Variants in MKI67 observed in about 807,000 individuals in gnomAD.
MKI67 encodes the protein marker of proliferation Ki-67.
Under a neutral mutation model 233.5 loss-of-function variants are expected in MKI67, and 152 were observed. That is an observed-to-expected ratio of 0.65 (90% confidence interval 0.57 to 0.74). The LOEUF (loss-of-function observed/expected upper bound fraction) is 0.74. MKI67 is among the 30% of genes least tolerant of loss of function. MKI67 has a pLI of 0.00. For missense variants in MKI67, 3,940 were observed against 3,885.2 expected (o/e 1.01, Z -0.37); for synonymous variants, 1,465 against 1,418.5 (o/e 1.03, Z -0.74).
chr10:128,101,804 T>A, intron 13 of MKI67, 103 bp from the exon 14 acceptor site: 1 of 893,118 alleles, frequency 1.1e-6, no homozygotes, highest in Non-Finnish European at 1.7e-6. Flanking sequence ...GGAGAAATCA[T>A]TTGAAAATCA....
Position 128,112,144 on chromosome 10 carries a change from G to T in MKI67, c.1958C>A (p.Ala653Glu), listed in dbSNP as rs200914916. 1 of 1,613,562 alleles carries T rather than the reference G, an allele frequency of 6.2e-7. No individual in the cohort carries two copies. The highest frequency in any genetic ancestry group is 1.1e-5 in the South Asian group (1 of 91,076). The change falls in exon 9 of 15, where the codon GCA becomes GAA. Residue 653 changes from alanine (A) to glutamate (E), a missense_variant. By Grantham distance (107) the Ala-to-Glu change is moderately radical. Coordinates refer to ENST00000368654, the MANE Select transcript of MKI67 (RefSeq NM_002417.5). ...CSKRRSGASE[A>E]NLIVAKSWAD... The stretch of plus-strand genomic sequence containing the variant: ...AATGTCAGACTAACCAATCAGATTT[G>T]CTTCCGAAGCACCACTTCTTCTTTT...
Position 128,107,005 on chromosome 10 carries a change from T to G in MKI67, c.4835A>C (p.Lys1612Thr). ...EESMTNDKTA[K>T]VACKSSQPDP... ...TGGTTGTGAAGATTTGCAGGCTACT[T>G]TGGCAGTTTTATCGTTAGTCATTGA... The change falls in exon 13 of 15, where the codon AAA becomes ACA. Residue 1612 changes from lysine to threonine, a missense_variant. By Grantham distance (78) the Lys-to-Thr change is moderately conservative (BLOSUM62 -1). Transcript: ENST00000368654. 6.2e-7 allele frequency: 1 copy of G among 1,614,010 alleles called. No individual in the cohort carries two copies. The highest frequency in any genetic ancestry group is 2.2e-5 in the East Asian group (1 of 44,852).
At position 128,097,032 on chromosome 10, in the gene MKI67, G is replaced by A. The variant is rs888465190; in HGVS notation, c.*2158C>T. ...GGTGGTTGGAGGTGCCTGCCTAAGG[G>A]AGGCAGGAGATGGTAGGTACAGAGT... On this transcript the variant is annotated 3_prime_UTR_variant, in exon 15 of 15. Transcript: ENST00000368654. 5 of 152,342 alleles carry A rather than the reference G, an allele frequency of 3.3e-5. No homozygotes were observed. The highest frequency in any genetic ancestry group is 9.6e-5 in the African/African-American group (4 of 41,452). The allele number at this position is 152,342 out of a possible 1,614,324, so 9.4% of individuals were successfully genotyped here.
At position 128,109,014 on chromosome 10, in the gene MKI67, A is replaced by G. The variant is rs1852604378; in HGVS notation, c.2826T>C (p.Asp942=). The G allele has an allele frequency of 1.2e-6, 2 of 1,613,908 alleles. No homozygotes were observed. Among genetic ancestry groups the G allele is most frequent in the African/African-American group, 1.3e-5 (1 of 74,940 alleles). The part of the protein sequence containing the change: ...YKENIELKEN[D]EKMKAMKRSR... ...ATCTCTTCATTGCTTTCATCTTTTC[A>G]TCGTTTTCTTTTAATTCAATATTTT... The change falls in exon 13 of 15, where the codon GAT becomes GAC. Residue 942 remains aspartate (D), a synonymous_variant. Coordinates refer to ENST00000368654, the MANE Select transcript of MKI67 (RefSeq NM_002417.5).
chr10:128,106,853 G>A lies in MKI67; in HGVS notation c.4987C>T (p.His1663Tyr). Reference protein sequence around the residue: ...TQTSGETTHTHTEPTGDGKSM... With the variant: ...TQTSGETTHTYTEPTGDGKSM... ...TTACCATCTCCTGTTGGCTCTGTGTGTGTGTGTGTAGTCTCTCCTGATGTC... is the reference window on the plus strand; with the variant it reads ...TTACCATCTCCTGTTGGCTCTGTGTATGTGTGTGTAGTCTCTCCTGATGTC... Residue 1663 changes from histidine (H) to tyrosine (Y), a missense_variant, in exon 13 of 15, where the codon CAC becomes TAC. Transcript: ENST00000368654. 6.2e-7 allele frequency: 1 copy of A among 1,614,142 alleles called. No individual in the cohort carries two copies. Among genetic ancestry groups the A allele is most frequent in the South Asian group, 1.1e-5 (1 of 91,082 alleles).
chr10:128,115,406 G>A lies in MKI67; in HGVS notation c.1002C>T (p.Gly334=), dbSNP rs749616855. The A allele has an allele frequency of 9.9e-6, 16 of 1,613,932 alleles. No homozygotes were observed. Among genetic ancestry groups the A allele is most frequent in the Admixed American group, 5.0e-5 (3 of 59,988 alleles). Residue 334 remains glycine (G), a synonymous_variant, in exon 7 of 15, where the codon GGC becomes GGT. Coordinates refer to ENST00000368654, the MANE Select transcript of MKI67 (RefSeq NM_002417.5). ...CCGGCTCATAGAGAGGAAAGCTGGC[G>A]CCCACAGCCTTGCTGGGAGTCTGAA... ...ESVQTPSKAV[G]ASFPLYEPAK... is the part of the protein sequence containing the mutation.
In MKI67 at chr10:128,106,483, T is replaced by C. The variant is rs1308937385; in HGVS notation, c.5357A>G (p.Lys1786Arg). 6.2e-7 allele frequency: 1 copy of C among 1,613,876 alleles called. No homozygotes were observed. Among genetic ancestry groups the C allele is most frequent in the Non-Finnish European group, 8.5e-7 (1 of 1,179,992 alleles). ...PSAGKAMHTP[K>R]PAVGEEKDIN... ...GTCTTTCTCTTCACCTACTGCTGGT[T>C]TGGGTGTGTGCATGGCTTTGCCTGC... The change falls in exon 13 of 15, where the codon AAA (lysine) becomes AGA (arginine). Residue 1786 changes from lysine to arginine, a missense_variant. By Grantham distance (26) the Lys-to-Arg change is conservative. Coordinates refer to ENST00000368654, the MANE Select transcript of MKI67 (RefSeq NM_002417.5).
At chr10:128,120,844 C>G (rs2136150220) in intron 4 of MKI67, among the ~76,000 whole-genome samples, 1 of 152,118 alleles carries the variant, frequency 6.6e-6, no homozygotes. Flanking sequence ...TAACATGAGA[C>G]AAAATCATCT....
Position 128,108,717 on chromosome 10 carries a change from G to T in MKI67, c.3123C>A (p.Val1041=), listed in dbSNP as rs370190441. The T allele has an allele frequency of 6.2e-7, 1 of 1,614,188 alleles. No homozygotes were observed. The highest frequency in any genetic ancestry group is 8.5e-7 in the Non-Finnish European group (1 of 1,180,034). The part of the protein sequence containing the change: ...KVGVKEELLA[V]GKFTRTSGET... The stretch of plus-strand genomic sequence containing the variant: ...CCCCTGACGTCCGTGTGAACTTGCC[G>T]ACTGCTAGGAGCTCTTCTTTCACAC... The change falls in exon 13 of 15, where the codon GTC becomes GTA. Residue 1041 remains valine (V), a synonymous_variant. Coordinates refer to ENST00000368654, the MANE Select transcript of MKI67 (RefSeq NM_002417.5).
Position 128,113,466 on chromosome 10 carries a change from CAG to C in MKI67, c.1615_1616del (p.Leu539GlyfsTer45). On this transcript the variant is annotated frameshift_variant, in exon 8 of 15. Transcript: ENST00000368654. LOFTEE classifies it high-confidence loss of function. ...RGEAPTKRKS[L>X]VMHTPPVLKK... ...TCAGGACAGGTGGAGTGTGCATTAC[CAG>C]AGACTTTCTTTTGGTTGGGGCTTCT... The C allele has an allele frequency of 3.7e-6, 6 of 1,614,168 alleles. No individual in the cohort carries two copies. The highest frequency in any genetic ancestry group is 4.2e-6 in the Non-Finnish European group (5 of 1,180,036).
intron 8 of MKI67, among the ~76,000 whole-genome samples, chr10:128,113,150 A>G (rs1852718515): frequency 6.6e-6 from 1 of 152,186 alleles, no homozygotes; most frequent in South Asian, 2.1e-4. Context: ...GTGATTACGC[A>G]GTGCTGTAAG....
Position 128,126,383 on chromosome 10 carries a change from C to T in MKI67, c.-374G>A, listed in dbSNP as rs1224220642. 7.2e-5 allele frequency: 2 copies of T among 27,964 alleles called. No homozygotes were observed. The highest frequency in any genetic ancestry group is 1.7e-4 in the Non-Finnish European group (2 of 11,622). 1.7% of individuals were successfully genotyped at this position (27,964 alleles called of 1,614,324 possible). A position where few individuals can be genotyped will look rare whatever the true frequency, so the allele number is the denominator to read the frequency against. On this transcript the variant is annotated 5_prime_UTR_variant, in exon 1 of 15. Coordinates refer to ENST00000368654, the MANE Select transcript of MKI67 (RefSeq NM_002417.5). ...GCTCCCACCGAGTCGAGTCCTCCCG[C>T]CCGCCCGCCCGCCCGCAGCGTCAGC...
At chr10:128,109,784 C>T (rs532753816) in intron 12 of MKI67, among the ~76,000 whole-genome samples, 3 of 152,240 alleles carry the variant, frequency 2.0e-5, no homozygotes, top group African/African-American at 7.2e-5. Flanking sequence ...TGCCTTAAAT[C>T]GCCAATAAAA....
At position 128,123,095 on chromosome 10, in the gene MKI67, T is replaced by A. The variant is rs915294450; in HGVS notation, c.167A>T (p.Gln56Leu). The change falls in exon 3 of 15, where the codon CAG becomes CTG. Residue 56 changes from glutamine to leucine, a missense_variant. Gln to Leu is a moderately radical substitution (Grantham distance 113). Transcript: ENST00000368654. Reference sequence around the variant, plus strand: ...ATCTTCAAAAAACCCACTCACCTCCTGCTCATGGATTTCAATTTTGCAATG... The same window carrying A: ...ATCTTCAAAAAACCCACTCACCTCCAGCTCATGGATTTCAATTTTGCAATG... ...KQHCKIEIHE[Q>L]EAILHNFSST... 1 of 1,613,476 alleles carries A rather than the reference T, an allele frequency of 6.2e-7. No homozygotes were observed.
chr10:128,105,643 G>C lies in MKI67; in HGVS notation c.6197C>G (p.Pro2066Arg). Residue 2066 changes from proline (P) to arginine (R), a missense_variant, in exon 13 of 15, where the codon CCT becomes CGT. Pro to Arg is a moderately radical substitution (Grantham distance 103, BLOSUM62 -2). Coordinates refer to ENST00000368654, the MANE Select transcript of MKI67 (RefSeq NM_002417.5). ...GTGMERWPRT[P>R]KEEAQSLEDL... ...TTCTAGTGATTGGGCCTCTTCCTTA[G>C]GTGTTCTTGGCCACCTCTCCATCCC... The C allele has an allele frequency of 6.2e-7, 1 of 1,613,808 alleles. No individual in the cohort carries two copies. Among genetic ancestry groups the C allele is most frequent in the Non-Finnish European group, 8.5e-7 (1 of 1,179,962 alleles).
intron 5 of MKI67, among the ~76,000 whole-genome samples, chr10:128,118,542 G>C (rs935813996): frequency 1.3e-5 from 2 of 152,114 alleles, no homozygotes; most frequent in African/African-American, 2.4e-5. Context: ...TAAAATGTAG[G>C]AAAAATATGA....
chr10:128,122,849 A>G (rs1852977788), intron 4 of MKI67, 32 bp downstream of exon 4: 1 of 1,094,672 alleles, frequency 9.1e-7, no homozygotes, highest in African/African-American at 1.6e-5. Flanking sequence ...AGAAGATGAC[A>G]TTTACTGTTA....
rs1308921024 is a variant in MKI67 at position 128,103,365 on chromosome 10, G to A, written c.8475C>T (p.Cys2825=). 6.2e-7 allele frequency: 1 copy of A among 1,613,994 alleles called. No homozygotes were observed. Among genetic ancestry groups the A allele is most frequent in the Non-Finnish European group, 8.5e-7 (1 of 1,180,008 alleles). The change falls in exon 13 of 15, where the codon TGC becomes TGT. Residue 2825 remains cysteine (C), a synonymous_variant. Transcript: ENST00000368654. ...TGTCTTCTAGTTCTGGTGATGATTT[G>A]CAGGGTATTTTAGTGGTTTTGTCAT... ...MTDDKTTKIP[C]KSSPELEDTA...
Position 128,115,047 on chromosome 10 carries a change from C to T in MKI67, c.1361G>A (p.Arg454Lys). The change falls in exon 7 of 15, where the codon AGG becomes AAG. Residue 454 changes from arginine to lysine, a missense_variant. Arg to Lys is a conservative substitution (Grantham distance 26, BLOSUM62 2). Coordinates refer to ENST00000368654, the MANE Select transcript of MKI67 (RefSeq NM_002417.5). Reference sequence around the variant, plus strand: ...GCTGAGGGAATCCTTTTGGATCTTCCTCTCAACTTGAGTGAGCCACAGAGT... The same window carrying T: ...GCTGAGGGAATCCTTTTGGATCTTCTTCTCAACTTGAGTGAGCCACAGAGT... The part of the protein sequence containing the change: ...FLTLWLTQVE[R>K]KIQKDSLSKP... 6.2e-7 allele frequency: 1 copy of T among 1,613,278 alleles called. No individual in the cohort carries two copies. The highest frequency in any genetic ancestry group is 1.1e-5 in the South Asian group (1 of 91,086).
Sources: gnomAD v4.1 joint callset for allele counts (sites outside exome capture counted in the v4.1 genomes callset) on GRCh38, gnomAD v4.1.1 for gene constraint, MANE v1.5 for transcripts, NCBI Gene and HGNC (gene_info 2026-07-23, HGNC 2026-07-21) for gene names.